The following MED12L variants were observed in gnomAD, a reference collection of about 807,000 sequenced individuals.
MED12L encodes the protein mediator complex subunit 12L.
A neutral mutation model predicts 281.3 loss-of-function variants in MED12L; 60 were observed. The observed-to-expected ratio is 0.21, with a 90% confidence interval of 0.17 to 0.26. The LOEUF (loss-of-function observed/expected upper bound fraction) is 0.26. MED12L is among the 10% of genes least tolerant of loss of function. MED12L has a pLI of 1.00. For missense variants in MED12L, 2,146 were observed against 2,680.9 expected (o/e 0.80, Z 4.41); for synonymous variants, 974 against 987.2 (o/e 0.99, Z 0.25).
intron 16 of MED12L, among the ~76,000 whole-genome samples, chr3:151,284,869 A>T (rs1369425345): frequency 6.6e-6 from 1 of 152,076 alleles, no homozygotes; most frequent in Non-Finnish European, 1.5e-5. Flanking sequence ...TGGCCTCCCA[A>T]AGTGCTGGGA....
At chr3:151,294,648 C>T in intron 16 of MED12L, 1 of 1,614,156 alleles carries the variant, frequency 6.2e-7, no homozygotes, top group Middle Eastern at 1.7e-4. Flanking sequence ...CATTTGACCC[C>T]CAAAGGACTT....
At chr3:151,303,289 G>A (rs557733451) in intron 16 of MED12L, among the ~76,000 whole-genome samples, 1 of 152,248 alleles carries the variant, frequency 6.6e-6, no homozygotes, top group East Asian at 1.9e-4. Flanking sequence ...GTGGAGTTTA[G>A]TTTTGGATTG....
chr3:151,111,951 T>TG (rs1309844950), intron 2 of MED12L, among the ~76,000 whole-genome samples: 2 of 152,162 alleles, frequency 1.3e-5, no homozygotes, highest in Non-Finnish European at 2.9e-5. Context: ...CACTTTCAGA[T>TG]GTGTCACTGA....
At chr3:151,373,731 C>T (rs1756471807) in intron 27 of MED12L, among the ~76,000 whole-genome samples, 1 of 152,114 alleles carries the variant, frequency 6.6e-6, no homozygotes, top group Admixed American at 6.5e-5. Context: ...CAGTAGGAAT[C>T]TATTCATCCT....
chr3:151,209,969 C>T (rs549585819), intron 16 of MED12L, among the ~76,000 whole-genome samples: 2 of 152,290 alleles, frequency 1.3e-5, no homozygotes, highest in South Asian at 4.1e-4. Flanking sequence ...TAGGTTAGGA[C>T]TGATGCAGGC....
chr3:151,195,085 C>T (rs1427868030), intron 16 of MED12L, among the ~76,000 whole-genome samples: 1 of 152,102 alleles, frequency 6.6e-6, no homozygotes. Context: ...ATGGCGTGAA[C>T]CCCAGAGGTG....
chr3:151,331,184 A>T (rs934403975), intron 16 of MED12L, among the ~76,000 whole-genome samples: 2 of 152,200 alleles, frequency 1.3e-5, no homozygotes, highest in Non-Finnish European at 2.9e-5. Flanking sequence ...GTGTTTGACT[A>T]TAGTAAATAT....
chr3:151,312,831 C>T (rs1015440408), intron 16 of MED12L, among the ~76,000 whole-genome samples: 10 of 152,236 alleles, frequency 6.6e-5, no homozygotes, highest in South Asian at 2.1e-4. Context: ...CCCTCTGTGC[C>T]GCCTTCTTCT....
chr3:151,156,224 A>C lies in MED12L; in HGVS notation c.620A>C (p.His207Pro), dbSNP rs1465254814. 1 of 1,613,386 alleles carries C rather than the reference A, an allele frequency of 6.2e-7. No homozygotes were observed. Among genetic ancestry groups the C allele is most frequent in the Non-Finnish European group, 8.5e-7 (1 of 1,179,750 alleles). The change falls in exon 6 of 45, where the codon CAC becomes CCC. Residue 207 changes from histidine to proline, a missense_variant. This residue lies in a region of MED12L where 722 missense variants were observed against 861.2 expected (regional missense o/e 0.84). Transcript: ENST00000687756. ...EQLAKISDFY[H>P]MASSTGDGPV... ...TTGGCCAAGATTTCTGACTTTTACC[A>C]CATGGCCTCCAGCACGGGCGATGGC...
At chr3:151,266,318 A>T (rs544253269) in intron 16 of MED12L, among the ~76,000 whole-genome samples, 1 of 152,342 alleles carries the variant, frequency 6.6e-6, no homozygotes, top group South Asian at 2.1e-4. Flanking sequence ...CAAATTTGTG[A>T]AATATTTGAA....
chr3:151,339,048 G>C (rs144692126), intron 16 of MED12L, among the ~76,000 whole-genome samples: 479 of 152,228 alleles, frequency 3.1e-3, no homozygotes, highest in African/African-American at 0.011. Context: ...TTGCATCTCT[G>C]CTGAAGAGAA....
chr3:151,259,330 A>G (rs1397370469), intron 16 of MED12L, among the ~76,000 whole-genome samples: 1 of 152,186 alleles, frequency 6.6e-6, no homozygotes, highest in African/African-American at 2.4e-5. Context: ...TTAAGGAGGA[A>G]TTTTCTGATC....
At chr3:151,234,337 A>G (rs1022563896) in intron 16 of MED12L, among the ~76,000 whole-genome samples, 5 of 152,272 alleles carry the variant, frequency 3.3e-5, no homozygotes, top group African/African-American at 1.2e-4. Context: ...GAGGATAACA[A>G]AGCCTAGAGA....
rs776621584 is a variant in MED12L, at chr3:151,377,210, A to C, written c.4316+32A>C. On this transcript the variant is annotated intron_variant, in intron 30 of 44. Transcript: ENST00000687756. ...TTGTCTGTTGTTTTATTGAACTGTC[A>C]TGAATTTTTCACAAGTAACGGTAAA... 8.3e-6 allele frequency: 13 copies of C among 1,567,246 alleles called. No homozygotes were observed. The South Asian group carries it at 1.5e-4, about 18-fold the overall frequency.
At chr3:151,343,342 T>C (rs763158019) in intron 16 of MED12L, among the ~76,000 whole-genome samples, 1 of 152,328 alleles carries the variant, frequency 6.6e-6, no homozygotes, top group South Asian at 2.1e-4. Flanking sequence ...TCTAAACCTC[T>C]AGAAGGGCTA....
At chr3:151,401,331 T>C (rs912955864) in intron 39 of MED12L, among the ~76,000 whole-genome samples, 1 of 152,148 alleles carries the variant, frequency 6.6e-6, no homozygotes, top group African/African-American at 2.4e-5. Context: ...TTTACATTTC[T>C]TCTATACATG....
At chr3:151,394,889 G>A in intron 39 of MED12L, 22 bp downstream of exon 39, 2 of 1,612,738 alleles carry the variant, frequency 1.2e-6, no homozygotes, top group Non-Finnish European at 1.7e-6. Context: ...CCCCAGCAAT[G>A]GAGTCCTTTG....
At chr3:151,226,339 T>C (rs1037206792) in intron 16 of MED12L, among the ~76,000 whole-genome samples, 1 of 152,214 alleles carries the variant, frequency 6.6e-6, no homozygotes. Flanking sequence ...GGAAAATGGA[T>C]GGCCTAAGCT....
intron 43 of MED12L, among the ~76,000 whole-genome samples, chr3:151,429,285 C>G (rs540600159): frequency 6.6e-6 from 1 of 152,220 alleles, no homozygotes. Context: ...GCACCTCCTC[C>G]CCACCTAGAA....
Sources: allele counts gnomAD v4.1 joint callset (sites outside exome capture counted in the v4.1 genomes callset), GRCh38; gene constraint gnomAD v4.1.1; regional missense constraint gnomAD v4.1.1; transcripts MANE v1.5; gene names NCBI Gene and HGNC (gene_info 2026-07-23, HGNC 2026-07-21).